The following ITGA10 variants were observed in gnomAD, a reference collection of about 807,000 sequenced individuals.
ITGA10 encodes the protein integrin alpha-10.
ITGA10 carries 105 observed loss-of-function variants against 145.2 expected under a neutral mutation model. The ratio of observed to expected loss-of-function variants is 0.72; its 90% CI spans 0.62 to 0.85. The LOEUF is 0.85. ITGA10 is among the 40% of genes least tolerant of loss of function. The pLI is 0.00. For missense variants in ITGA10, 1,317 were observed against 1,444.5 expected (o/e 0.91, Z 1.43); for synonymous variants, 506 against 557.8 (o/e 0.91, Z 1.31).
In ITGA10 at chr1:145,904,153, C is replaced by G; in HGVS notation, c.657G>C (p.Leu219=). 1 of 1,614,202 alleles carries G rather than the reference C, an allele frequency of 6.2e-7. No homozygotes were observed. The highest frequency in any genetic ancestry group is 8.5e-7 in the Non-Finnish European group (1 of 1,180,036). The change falls in exon 7 of 30, where the codon CTG becomes CTC. Residue 219 remains leucine (L), a synonymous_variant. Coordinates refer to ENST00000369304, the MANE Select transcript of ITGA10 (RefSeq NM_003637.5). The part of the protein sequence containing the change: ...YGESPVHEWS[L]GDFRTKEEVV... ...CTTCTTCCTTCGTTCGGAAATCTCC[C>G]AGGGACCACTCATGTACAGGGCTCT...
chr1:145,897,746 A>G, intron 19 of ITGA10, 69 bp downstream of exon 19: 4 of 1,610,092 alleles, frequency 2.5e-6, no homozygotes, highest in Non-Finnish European at 2.5e-6. Context: ...ACAACCCCCT[A>G]CCCGCCCTTC....
intron 25 of ITGA10, 124 bp downstream of exon 25, chr1:145,895,858 GC>G (rs1391679620): frequency 2.9e-6 from 3 of 1,017,536 alleles, no homozygotes; most frequent in Non-Finnish European, 4.4e-6. Flanking sequence ...TAAAAAGAAA[GC>G]CCCCCAGAGA....
At chr1:145,903,046 CA>C in intron 7 of ITGA10, 85 bp from the exon 8 acceptor site, 2 of 880,126 alleles carry the variant, frequency 2.3e-6, no homozygotes, top group Non-Finnish European at 1.7e-6. Flanking sequence ...CACACACACA[CA>C]CACACACACA....
At position 145,900,184 on chromosome 1, in the gene ITGA10, TC is replaced by T; in HGVS notation, c.1794del (p.Ile599LeufsTer21). Reference protein sequence around the residue: ...QSGVRPHPAQRIAAASMPHAL... With the variant: ...QSGVRPHPAQXIAAASMPHAL... ...GCATGTGGCATGGAGGCAGCAGCAA[TC>T]CTCTGAGAGGAAGAGAGAGAATACT... On this transcript the variant is annotated frameshift_variant and splice_region_variant, in exon 15 of 30. Coordinates refer to ENST00000369304, the MANE Select transcript of ITGA10 (RefSeq NM_003637.5). LOFTEE classifies it high-confidence loss of function. 1 of 1,612,086 alleles carries T rather than the reference TC, an allele frequency of 6.2e-7. No individual in the cohort carries two copies. The highest frequency in any genetic ancestry group is 8.5e-7 in the Non-Finnish European group (1 of 1,179,046).
At chr1:145,894,922 T>C (rs1268625288) in intron 27 of ITGA10, among the ~76,000 whole-genome samples, 5 of 152,178 alleles carry the variant, frequency 3.3e-5, no homozygotes, top group African/African-American at 4.8e-5. Flanking sequence ...CTTAACTGAT[T>C]AAATTTAGGT....
chr1:145,900,431 C>A (rs1300539106), intron 14 of ITGA10, among the ~76,000 whole-genome samples: 1 of 152,010 alleles, frequency 6.6e-6, no homozygotes, highest in African/African-American at 2.4e-5. Context: ...CCAGGCCCGG[C>A]TAATTTTTTG....
Position 145,901,163 on chromosome 1 carries a change from C to A in ITGA10, c.1559G>T (p.Gly520Val). The change falls in exon 13 of 30, where the codon GGA (glycine) becomes GTA (valine). Residue 520 changes from glycine to valine, a missense_variant. By Grantham distance (109) the Gly-to-Val change is moderately radical. Transcript: ENST00000369304. The surrounding 1 kb of genome is among the most constrained non-coding windows in gnomAD (Gnocchi z 4.3). ...GCCTACCAGATACACATAAACACGT[C>A]CTGTTTCCTTGTTCTGGGGTCCCAG... ...MFLGPQNKETGRVYVYLVGQQ... is the reference protein window; with the variant it reads ...MFLGPQNKETVRVYVYLVGQQ... 1 of 1,614,138 alleles carries A rather than the reference C, an allele frequency of 6.2e-7. No homozygotes were observed. Among genetic ancestry groups the A allele is most frequent in the Non-Finnish European group, 8.5e-7 (1 of 1,180,018 alleles).
chr1:145,907,560 G>A, intron 1 of ITGA10, 95 bp from the exon 2 acceptor site: 6 of 1,553,806 alleles, frequency 3.9e-6, no homozygotes, highest in Non-Finnish European at 5.2e-6. Flanking sequence ...ATCTCAGTCT[G>A]CCTGCCTGCT....
At chr1:145,898,812 A>C in intron 17 of ITGA10, 124 bp downstream of exon 17, 2 of 1,200,350 alleles carry the variant, frequency 1.7e-6, no homozygotes, top group South Asian at 3.1e-5. Flanking sequence ...CTGACTCCAA[A>C]GTCTGAATCA....
chr1:145,896,795 T>C lies in ITGA10; in HGVS notation c.2808A>G (p.Gln936=), dbSNP rs782328684. The C allele has an allele frequency of 6.2e-7, 1 of 1,613,928 alleles. No homozygotes were observed. The highest frequency in any genetic ancestry group is 1.1e-5 in the South Asian group (1 of 91,074). Residue 936 remains glutamine, a synonymous_variant, in exon 23 of 30, where the codon CAA becomes CAG. Transcript: ENST00000369304. ...DNTAQTSAYI[Q]YEPHLLFSSE... ...TAGAGAACAGGAGGTGGGGCTCATA[T>C]TGGATGTAGGCTGAGGTCTGGGCTG...
chr1:145,909,052 C>T (rs1246063764), intron 1 of ITGA10, among the ~76,000 whole-genome samples: 3 of 152,010 alleles, frequency 2.0e-5, no homozygotes, highest in South Asian at 2.1e-4. Context: ...CCTATAATCC[C>T]GGCACTTTGG....
At position 145,892,551 on chromosome 1, in the gene ITGA10, G is replaced by T. The variant is rs1654860079; in HGVS notation, c.*247C>A. On this transcript the variant is annotated 3_prime_UTR_variant, in exon 30 of 30. Transcript: ENST00000369304. Reference sequence around the variant, plus strand: ...GCCCCAGTGTTGGCTATGGAACCAGGATCACGAGGAGGAGGGAAGCAGAGG... The same window carrying T: ...GCCCCAGTGTTGGCTATGGAACCAGTATCACGAGGAGGAGGGAAGCAGAGG... 1 of 414,780 alleles carries T rather than the reference G, an allele frequency of 2.4e-6. No homozygotes were observed. The allele number at this position is 414,780 out of a possible 1,614,324, so 25.7% of individuals were successfully genotyped here. A position where few individuals can be genotyped will look rare whatever the true frequency, so the allele number is the denominator to read the frequency against.
chr1:145,909,611 AAT>A (rs1206000452), intron 1 of ITGA10, among the ~76,000 whole-genome samples: 4 of 137,730 alleles, frequency 2.9e-5, no homozygotes, highest in Non-Finnish European at 1.5e-5. Flanking sequence ...TATTATATAT[AAT>A]ATATAATTAT....
At chr1:145,898,709 A>G (rs1553746363) in intron 17 of ITGA10, among the ~76,000 whole-genome samples, 1 of 152,182 alleles carries the variant, frequency 6.6e-6, no homozygotes, top group Admixed American at 6.5e-5. Context: ...AGTTATTATT[A>G]TCACCCCTTT....
At position 145,897,075 on chromosome 1, in the gene ITGA10, G is replaced by A. The variant is rs373975754; in HGVS notation, c.2680C>T (p.Leu894=). Residue 894 remains leucine, a synonymous_variant, in exon 22 of 30, where the codon CTA becomes TTA. Coordinates refer to ENST00000369304, the MANE Select transcript of ITGA10 (RefSeq NM_003637.5). ...GAGGAGCAGCTAAACTCAAACTCTA[G>A]CAGAAAGGTCACCTAGGGGCAGGGG... ...FQTGAKVTFL[L]EFEFSCSSLL... is the part of the protein sequence containing the mutation. 1.5e-5 allele frequency: 25 copies of A among 1,613,768 alleles called. No homozygotes were observed. The African/African-American group carries it at 3.2e-4, about 21-fold the overall frequency.
In ITGA10 at chr1:145,904,091, C is replaced by CCAAAGAA; in HGVS notation, c.718_719insTTCTTTG (p.Gly240ValfsTer39). 1 of 1,614,104 alleles carries CCAAAGAA rather than the reference C, an allele frequency of 6.2e-7. No homozygotes were observed. Among genetic ancestry groups the CCAAAGAA allele is most frequent in the African/African-American group, 1.3e-5 (1 of 75,034 alleles). On this transcript the variant is annotated frameshift_variant, in exon 7 of 30. Transcript: ENST00000369304. LOFTEE classifies it high-confidence loss of function. ...TGCTTGGGCAGTCTTTGTTTCTCGT[C>CCAAAGAA]CCTCCCGCCGACTGAGGTTCTTTGC...
At chr1:145,902,136 T>A (rs587722470) in intron 10 of ITGA10, 110 bp downstream of exon 10, 1 of 1,571,102 alleles carries the variant, frequency 6.4e-7, no homozygotes. Flanking sequence ...TGGAAAGGCA[T>A]GGGAAGGTGA....
chr1:145,900,667 G>T (rs1197411375), intron 14 of ITGA10, 123 bp downstream of exon 14: 3 of 963,004 alleles, frequency 3.1e-6, no homozygotes, highest in Non-Finnish European at 3.2e-6. Context: ...TTATGTTTTT[G>T]CCTACTAATA....
intron 5 of ITGA10, chr1:145,905,971 G>C (rs782356961): frequency 5.6e-6 from 1 of 179,696 alleles, no homozygotes; most frequent in Non-Finnish European, 1.2e-5. Flanking sequence ...CCACGCTAGA[G>C]TGCAGAGGCA....
Sources: gnomAD v4.1 joint callset for allele counts (sites outside exome capture counted in the v4.1 genomes callset) on GRCh38, gnomAD v4.1.1 for gene constraint, Gnocchi (gnomAD v3.1) non-coding constraint, MANE v1.5 for transcripts, NCBI Gene and HGNC (gene_info 2026-07-23, HGNC 2026-07-21) for gene names.